SPON2: variants seen among roughly 807,000 people sequenced by gnomAD.
SPON2 encodes spondin 2, also known as spondin-2.
A neutral mutation model predicts 29.9 loss-of-function variants in SPON2; 32 were observed. The ratio of observed to expected loss-of-function variants is 1.07; its 90% CI spans 0.81 to 1.44. The LOEUF (loss-of-function observed/expected upper bound fraction) is 1.44, where lower values mean the gene tolerates loss of function less well. SPON2 is among the 40% of genes most tolerant of loss of function. SPON2 has a pLI of 0.00. For missense variants in SPON2, 541 were observed against 455.5 expected (o/e 1.19, Z -1.71); for synonymous variants, 248 against 209.1 (o/e 1.19, Z -1.61).
At chr4:1,204,585 T>G (rs551768575) in intron 1 of SPON2, among the ~76,000 whole-genome samples, 5 of 152,364 alleles carry the variant, frequency 3.3e-5, no homozygotes, top group Middle Eastern at 3.4e-3. Context: ...TAAAACCTGG[T>G]GGCCACGGTT....
At chr4:1,200,650 G>A (rs1359695646) in intron 1 of SPON2, 1 of 365,376 alleles carries the variant, frequency 2.7e-6, no homozygotes, top group African/African-American at 2.1e-5. Flanking sequence ...TCCCTAGCAG[G>A]AAGCTGGGCA....
In SPON2 at chr4:1,171,194, C is replaced by G; in HGVS notation, c.445-4G>C. On this transcript the variant is annotated splice_polypyrimidine_tract_variant and splice_region_variant and intron_variant, in intron 3 of 5. Transcript: ENST00000290902. ...CGATGCGCACCACAAACGAGACCTG[C>G]GGCGACAGCGGCTCAGCGCGCCTGG... 6.7e-7 allele frequency: 1 copy of G among 1,497,262 alleles called. No individual in the cohort carries two copies. 92.7% of individuals were successfully genotyped at this position (1,497,262 alleles called of 1,614,324 possible).
At chr4:1,197,203 G>A (rs780242697), upstream of SPON2, 9 of 152,186 alleles carry the variant, frequency 5.9e-5, no homozygotes, top group African/African-American at 9.7e-5. Context: ...GGGAAACAGC[G>A]CTTCCGAAGA....
At position 1,167,595 on chromosome 4, in the gene SPON2, G is replaced by C. The variant is rs755238191; in HGVS notation, c.873C>G (p.Gly291=). The C allele has an allele frequency of 1.2e-6, 2 of 1,613,532 alleles. No homozygotes were observed. ...SLWSSWGLCG[G]HCGRLGTKSR... ...TCTTGGTCCCGAGCCTCCCACAGTG[G>C]CCTCCGCACAGTCCCCAGGACGACC... Residue 291 remains glycine, a synonymous_variant, in exon 6 of 6, where the codon GGC becomes GGG. Transcript: ENST00000290902.
intron 1 of SPON2, among the ~76,000 whole-genome samples, chr4:1,186,114 G>C (rs190817369): frequency 4.7e-5 from 7 of 150,334 alleles, no homozygotes; most frequent in South Asian, 2.1e-4. Context: ...CGTGGTGGTG[G>C]GCGCCTGTAG....
intron 1 of SPON2, among the ~76,000 whole-genome samples, chr4:1,190,049 A>T (rs1350672868): frequency 6.6e-6 from 1 of 151,980 alleles, no homozygotes; most frequent in African/African-American, 2.4e-5. Context: ...TAGCCAGACT[A>T]AGAAAAAAGA....
intron 5 of SPON2, among the ~76,000 whole-genome samples, chr4:1,168,979 C>T (rs926912420): frequency 3.9e-5 from 6 of 152,144 alleles, no homozygotes; most frequent in Admixed American, 3.9e-4. Flanking sequence ...GCTCCGTCCC[C>T]ACTGCCCACT....
chr4:1,177,120 A>C (rs1408394043), upstream of SPON2, among the ~76,000 whole-genome samples: 9 of 152,336 alleles, frequency 5.9e-5, no homozygotes, highest in South Asian at 1.7e-3. Context: ...ACTTGCCCCA[A>C]GGTGGTTTTC....
intron 1 of SPON2, among the ~76,000 whole-genome samples, chr4:1,183,035 G>A (rs1727726614): frequency 6.7e-6 from 1 of 148,988 alleles, no homozygotes; most frequent in South Asian, 2.1e-4. Flanking sequence ...GAGGTCAGGA[G>A]TTCAAGACCA....
At chr4:1,174,774 T>C (rs546415285), upstream of SPON2, among the ~76,000 whole-genome samples, 1 of 152,338 alleles carries the variant, frequency 6.6e-6, no homozygotes, top group East Asian at 1.9e-4. Context: ...AATCTTTGTA[T>C]TGTCCGGCTT....
At chr4:1,168,699 C>A (rs905345369) in intron 5 of SPON2, among the ~76,000 whole-genome samples, 1 of 152,244 alleles carries the variant, frequency 6.6e-6, no homozygotes, top group Non-Finnish European at 1.5e-5. Flanking sequence ...GGGAGCGCCC[C>A]TGCCCTGGCT....
At chr4:1,207,227 G>A (rs112858252) in intron 1 of SPON2, among the ~76,000 whole-genome samples, 69 of 152,284 alleles carry the variant, frequency 4.5e-4, no homozygotes, top group Admixed American at 1.8e-3. Context: ...CTGCACAGAG[G>A]GGGTGGAGGC....
chr4:1,185,259 A>G (rs7678661), intron 1 of SPON2, among the ~76,000 whole-genome samples: 23,169 of 151,316 alleles, frequency 0.15, 2,135 homozygotes, highest in African/African-American at 0.26. Context: ...TATTTTTAAT[A>G]CAGACTGGGT....
chr4:1,181,939 T>C (rs1392221113), intron 1 of SPON2, among the ~76,000 whole-genome samples: 1 of 152,124 alleles, frequency 6.6e-6, no homozygotes, highest in Admixed American at 6.5e-5. Flanking sequence ...AGCCAGACAT[T>C]AAAGACTAGG....
At position 1,168,463 on chromosome 4, in the gene SPON2, G is replaced by A. The variant is rs1235714604; in HGVS notation, c.812-807C>T. On this transcript the variant is annotated intron_variant, in intron 5 of 5. Transcript: ENST00000290902. ...AGTGGAGAAGGGGGTCAATGTGCAG[G>A]TGCAGTGCCTGGACTGGTCTGGAAG... Among the ~76,000 whole-genome samples, 3 of 152,256 alleles carry A rather than the reference G, an allele frequency of 2.0e-5. No individual in the cohort carries two copies. The East Asian group carries it at 5.8e-4, about 29-fold the overall frequency.
At chr4:1,167,881 A>G (rs1438793357) in intron 5 of SPON2, 1 of 463,066 alleles carries the variant, frequency 2.2e-6, no homozygotes, top group Non-Finnish European at 3.8e-6. Context: ...TCTACGTAAG[A>G]GCCGGAGCTG....
rs192507785 is a variant in SPON2, at chr4:1,187,285, G to A, written c.-239+7705C>T. On this transcript the variant is annotated intron_variant, in intron 1 of 3. Transcript: ENST00000502483. ...GCCAGTCACAAAACACAAAGATTGT[G>A]TCATTCCACTTAGATGAGGTACTTA... 1.8e-3 allele frequency among the ~76,000 whole-genome samples: 268 copies of A among 152,308 alleles called. 6 individuals are homozygous for A. Among genetic ancestry groups the A allele is most frequent in the South Asian group, 6.2e-4 (3 of 4,828 alleles).
chr4:1,169,196 T>C (rs1356238072), intron 5 of SPON2, among the ~76,000 whole-genome samples: 1 of 151,968 alleles, frequency 6.6e-6, no homozygotes, highest in Non-Finnish European at 1.5e-5. Flanking sequence ...TGCCCCCAAA[T>C]GTGGGGCAAA....
At chr4:1,201,463 C>T (rs1728202724) in intron 1 of SPON2, 1 of 191,952 alleles carries the variant, frequency 5.2e-6, no homozygotes, top group African/African-American at 2.3e-5. Context: ...GGAGGAGGCC[C>T]TGAGAGAGAA....
Sources: gnomAD v4.1 joint callset for allele counts (sites outside exome capture counted in the v4.1 genomes callset) on GRCh38, gnomAD v4.1.1 for gene constraint, MANE v1.5 for transcripts, NCBI Gene and HGNC (gene_info 2026-07-23, HGNC 2026-07-21) for gene names.